Variants in RABGEF1 observed in about 807,000 individuals in gnomAD.
RABGEF1 encodes the protein RAB guanine nucleotide exchange factor 1, also known as rab5 GDP/GTP exchange factor.
In RABGEF1, 26 loss-of-function variants were observed where a neutral mutation model predicts 57.3. The ratio of observed to expected loss-of-function variants is 0.45; its 90% CI spans 0.33 to 0.63. RABGEF1 has a LOEUF of 0.63. RABGEF1 is among the 20% of genes least tolerant of loss of function. The pLI is 0.02. For synonymous variants in RABGEF1, 185 were observed against 210.7 expected (o/e 0.88, Z 1.06); for missense variants, 464 against 607.6 (o/e 0.76, Z 2.48).
chr7:66,722,502 A>G (rs1047035218), intron 2 of RABGEF1, among the ~76,000 whole-genome samples: 10 of 152,154 alleles, frequency 6.6e-5, no homozygotes, highest in Non-Finnish European at 1.3e-4. Context: ...AAAGAAATAC[A>G]AAGTTTTAAA....
At chr7:66,682,162 A>G (rs3800822), upstream of RABGEF1, 151,005 of 167,556 alleles carry the variant, frequency 0.9, 68,250 homozygotes, top group African/African-American at 0.94. Context: ...GGACTGGGGA[A>G]CCCAGACCTG....
intron 1 of RABGEF1, among the ~76,000 whole-genome samples, chr7:66,691,781 C>T (rs1791551686): frequency 6.6e-6 from 1 of 152,078 alleles, no homozygotes; most frequent in African/African-American, 2.4e-5. Context: ...AGGCTTGGCA[C>T]CGTGGCTCAC....
At chr7:66,682,515 G>T (rs1477263466) in intron 1 of RABGEF1, among the ~76,000 whole-genome samples, 1 of 152,216 alleles carries the variant, frequency 6.6e-6, no homozygotes, top group Non-Finnish European at 1.5e-5. Context: ...GCCCGGCCGT[G>T]CCCCGACGGC....
chr7:66,740,019 C>T (rs1798568927), upstream of RABGEF1: 1 of 152,174 alleles, frequency 6.6e-6, no homozygotes, highest in Non-Finnish European at 1.5e-5. Flanking sequence ...TGTCACCCGG[C>T]CTGGAGTTCA....
the RABGEF1 span, among the ~76,000 whole-genome samples, chr7:66,660,366 G>GA: frequency 6.7e-6 from 1 of 148,670 alleles, no homozygotes; most frequent in Non-Finnish European, 1.5e-5. Context: ...AAAAAAGAAA[G>GA]AAAAAAGAAA....
chr7:66,802,923 C>T (rs754167821), intron 7 of RABGEF1, among the ~76,000 whole-genome samples: 1 of 151,160 alleles, frequency 6.6e-6, no homozygotes, highest in Non-Finnish European at 1.5e-5. Flanking sequence ...TAAAGATTAA[C>T]AAGAAAGTAG....
chr7:66,708,147 A>G (rs1338713223), intron 1 of RABGEF1, among the ~76,000 whole-genome samples: 1 of 151,528 alleles, frequency 6.6e-6, no homozygotes, highest in Non-Finnish European at 1.5e-5. Flanking sequence ...CCCTCCTTTT[A>G]TGTTCTGTAG....
At chr7:66,657,321 A>G in the RABGEF1 span, among the ~76,000 whole-genome samples, 1 of 152,246 alleles carries the variant, frequency 6.6e-6, no homozygotes, top group African/African-American at 2.4e-5. Flanking sequence ...ATGGAATGAA[A>G]CTAGAAATCA....
Position 66,748,435 on chromosome 7 carries a change from C to G in RABGEF1, c.-18+7643C>G, listed in dbSNP as rs376159962. ...TTGAGTTTGTGCTTCCTCACAAGTT[C>G]CTTGAATGCATCTGTTTTCTGTTGT... On this transcript the variant is annotated intron_variant, in intron 1 of 8. Coordinates refer to ENST00000284957, the MANE Select transcript of RABGEF1 (RefSeq NM_014504.3). Among the ~76,000 whole-genome samples the G allele has an allele frequency of 5.3e-5, 8 of 152,238 alleles. No individual in the cohort carries two copies. In the East Asian group the frequency reaches 1.5e-3, roughly 29 times the overall value.
chr7:66,752,426 G>A (rs2129063714), intron 1 of RABGEF1, among the ~76,000 whole-genome samples: 1 of 151,946 alleles, frequency 6.6e-6, no homozygotes, highest in Non-Finnish European at 1.5e-5. Flanking sequence ...ACCAGAAGGT[G>A]GAGGTTGCAG....
chr7:66,682,952 C>T (rs918843607), intron 1 of RABGEF1, among the ~76,000 whole-genome samples: 7 of 152,138 alleles, frequency 4.6e-5, no homozygotes, highest in African/African-American at 1.7e-4. Flanking sequence ...AGGTCATAGG[C>T]AGCTGGCGGT....
At chr7:66,795,338 T>A (rs369874058) in intron 4 of RABGEF1, among the ~76,000 whole-genome samples, 173 bp from the exon 5 acceptor site, 1 of 152,222 alleles carries the variant, frequency 6.6e-6, no homozygotes, top group African/African-American at 2.4e-5. Context: ...CAATGGATAT[T>A]GGAAATAATA....
At chr7:66,766,144 C>T (rs1251723077) in intron 1 of RABGEF1, among the ~76,000 whole-genome samples, 2 of 151,920 alleles carry the variant, frequency 1.3e-5, no homozygotes, top group African/African-American at 2.4e-5. Flanking sequence ...TCAAGACCAC[C>T]TGGGTAACGT....
At chr7:66,785,649 C>T (rs1434939237) in intron 4 of RABGEF1, among the ~76,000 whole-genome samples, 6 of 152,050 alleles carry the variant, frequency 3.9e-5, no homozygotes, top group South Asian at 2.1e-4. Context: ...CCGAGGCAGG[C>T]GGATCACAAG....
intron 1 of RABGEF1, chr7:66,755,968 C>G (rs185339151): frequency 2.0e-6 from 2 of 1,002,258 alleles, no homozygotes; most frequent in Admixed American, 3.1e-5. Context: ...CATTCACATT[C>G]ATTTTGGAAG....
At chr7:66,757,078 G>A (rs1026051673) in intron 1 of RABGEF1, among the ~76,000 whole-genome samples, 1 of 152,164 alleles carries the variant, frequency 6.6e-6, no homozygotes, top group African/African-American at 2.4e-5. Flanking sequence ...AAAAAGTCTT[G>A]TGGGATTTTT....
At chr7:66,800,529 T>C (rs767692368) in intron 7 of RABGEF1, among the ~76,000 whole-genome samples, 6 of 152,252 alleles carry the variant, frequency 3.9e-5, no homozygotes, top group Admixed American at 6.5e-5. Context: ...ATTGTTTTTT[T>C]TTCTTGCAAG....
intron 1 of RABGEF1, among the ~76,000 whole-genome samples, chr7:66,698,202 C>T (rs1305329002): frequency 6.6e-6 from 1 of 152,002 alleles, no homozygotes; most frequent in Non-Finnish European, 1.5e-5. Flanking sequence ...AAGACTATGT[C>T]TCCCTAAAAC....
chr7:66,686,982 T>C (rs776933967), intron 1 of RABGEF1, among the ~76,000 whole-genome samples: 1 of 151,238 alleles, frequency 6.6e-6, no homozygotes, highest in African/African-American at 2.4e-5. Flanking sequence ...CCACCACGCC[T>C]GGCAAATTTT....
Sources: allele counts gnomAD v4.1 joint callset (sites outside exome capture counted in the v4.1 genomes callset), GRCh38; gene constraint gnomAD v4.1.1; transcripts MANE v1.5; gene names NCBI Gene and HGNC (gene_info 2026-07-23, HGNC 2026-07-21).